DRC8: variants seen among roughly 807,000 people sequenced by gnomAD.
The protein encoded by DRC8 is dynein regulatory complex protein 8.
chr1:245,066,873 C>CTCCA, the DRC8 span, among the ~76,000 whole-genome samples: 1 of 151,916 alleles, frequency 6.6e-6, no homozygotes, highest in Non-Finnish European at 1.5e-5. Context: ...CGCCAGTGCA[C>CTCCA]TCCAGCCTGG....
chr1:245,009,850 GTGTTTTTTGTTTGTT>G, the DRC8 span, among the ~76,000 whole-genome samples: 1 of 151,466 alleles, frequency 6.6e-6, no homozygotes, highest in Non-Finnish European at 1.5e-5. Flanking sequence ...TATGATGCAT[GTGTTTTTTGTTTGTT>G]TGTTTTTGAG....
the DRC8 span, among the ~76,000 whole-genome samples, chr1:245,023,468 G>A: frequency 6.6e-6 from 1 of 152,218 alleles, no homozygotes; most frequent in Non-Finnish European, 1.5e-5. Flanking sequence ...TTCCACAGCG[G>A]CTGCGCCATG....
chr1:244,991,467 C>T, the DRC8 span, among the ~76,000 whole-genome samples: 1 of 152,170 alleles, frequency 6.6e-6, no homozygotes, highest in Non-Finnish European at 1.5e-5. Flanking sequence ...CTCTGGAGGT[C>T]ACAGGGTGGG....
chr1:244,983,918 C>A, the DRC8 span, among the ~76,000 whole-genome samples: 1 of 150,598 alleles, frequency 6.6e-6, no homozygotes, highest in Middle Eastern at 3.4e-3. Context: ...TTTTTTTGAC[C>A]CAGCTTTGAT....
chr1:245,005,441 C>T, the DRC8 span, among the ~76,000 whole-genome samples: 1 of 150,014 alleles, frequency 6.7e-6, no homozygotes, highest in South Asian at 2.1e-4. Context: ...ACCTCTGCCT[C>T]CCAGGTTCAA....
the DRC8 span, among the ~76,000 whole-genome samples, chr1:244,981,249 C>T: frequency 8.6e-5 from 13 of 151,250 alleles, no homozygotes; most frequent in Non-Finnish European, 1.5e-4. Context: ...AGGATCAGAA[C>T]TCTGGGTAAA....
At chr1:245,034,146 C>T in the DRC8 span, among the ~76,000 whole-genome samples, 2 of 152,174 alleles carry the variant, frequency 1.3e-5, no homozygotes, top group African/African-American at 4.8e-5. Flanking sequence ...CATTTACACC[C>T]TTTCTGGGAA....
the DRC8 span, among the ~76,000 whole-genome samples, chr1:244,991,970 A>G: frequency 6.6e-5 from 10 of 152,320 alleles, no homozygotes; most frequent in Non-Finnish European, 1.2e-4. Flanking sequence ...ACATTTTGTG[A>G]GTATGTGTTT....
At chr1:244,978,424 C>T in the DRC8 span, among the ~76,000 whole-genome samples, 3 of 145,926 alleles carry the variant, frequency 2.1e-5, no homozygotes, top group Admixed American at 7.1e-5. Context: ...ACCCGGGAGG[C>T]GGAGGTTGTG....
At chr1:245,072,303 T>A in the DRC8 span, among the ~76,000 whole-genome samples, 2 of 152,218 alleles carry the variant, frequency 1.3e-5, no homozygotes, top group Admixed American at 6.5e-5. Context: ...TTTCTTTTTT[T>A]TGAGACAGGG....
At chr1:245,098,988 T>C in the DRC8 span, among the ~76,000 whole-genome samples, 7 of 152,220 alleles carry the variant, frequency 4.6e-5, no homozygotes, top group African/African-American at 1.7e-4. Flanking sequence ...CATGTGATCC[T>C]CAGGTGTGAA....
At chr1:245,037,010 A>C in the DRC8 span, among the ~76,000 whole-genome samples, 1 of 152,232 alleles carries the variant, frequency 6.6e-6, no homozygotes, top group Non-Finnish European at 1.5e-5. Flanking sequence ...CAAAGATAGA[A>C]ACTCTAAACA....
chr1:245,070,255 C>T, the DRC8 span, among the ~76,000 whole-genome samples: 3 of 152,038 alleles, frequency 2.0e-5, no homozygotes, highest in African/African-American at 4.8e-5. Flanking sequence ...GGAGTGCAAT[C>T]GCTTCCTAAT....
the DRC8 span, among the ~76,000 whole-genome samples, chr1:244,998,423 G>A: frequency 6.6e-6 from 1 of 151,808 alleles, no homozygotes; most frequent in Admixed American, 6.6e-5. Context: ...TATGTTGCCC[G>A]GGCTGGTCTT....
the DRC8 span, among the ~76,000 whole-genome samples, chr1:245,070,649 G>A: frequency 6.6e-6 from 1 of 152,242 alleles, no homozygotes; most frequent in African/African-American, 2.4e-5. Context: ...ATATCTGACA[G>A]CTTGGAGCCC....
chr1:245,074,220 A>G, the DRC8 span, among the ~76,000 whole-genome samples: 1 of 152,338 alleles, frequency 6.6e-6, no homozygotes, highest in East Asian at 1.9e-4. Flanking sequence ...TTGCTTAATC[A>G]CAACCAAGAA....
chr1:245,008,976 C>T, the DRC8 span, among the ~76,000 whole-genome samples: 2 of 150,916 alleles, frequency 1.3e-5, no homozygotes, highest in African/African-American at 4.9e-5. Context: ...GCATGAGTCA[C>T]TGCACCTGGC....
the DRC8 span, among the ~76,000 whole-genome samples, chr1:245,000,642 A>G: frequency 6.6e-6 from 1 of 152,034 alleles, no homozygotes; most frequent in Non-Finnish European, 1.5e-5. Context: ...TTAGCTGGGC[A>G]TGGTTGCAGG....
chr1:244,998,234 G>T, the DRC8 span, among the ~76,000 whole-genome samples: 4 of 151,926 alleles, frequency 2.6e-5, no homozygotes, highest in Admixed American at 6.6e-5. Flanking sequence ...TTTGAGACCA[G>T]GTCTTGCTTT....
Sources: allele counts gnomAD v4.1 joint callset (sites outside exome capture counted in the v4.1 genomes callset), GRCh38; gene constraint gnomAD v4.1.1; transcripts MANE v1.5; gene names NCBI Gene and HGNC (gene_info 2026-07-23, HGNC 2026-07-21).